Variants in XKR4 observed in about 807,000 individuals in gnomAD.
XKR4 encodes the protein XK related 4.
Under a neutral mutation model 53.9 loss-of-function variants are expected in XKR4, and 12 were observed. The observed-to-expected ratio is 0.22, with a 90% CI of 0.14 to 0.36. The LOEUF is 0.36. Ranked by LOEUF, XKR4 falls within the 10% of genes least tolerant of loss-of-function variation. The pLI, the probability that XKR4 is intolerant of heterozygous loss-of-function variation, is 1.00. For synonymous variants in XKR4, 354 were observed against 362.4 expected (o/e 0.98, Z 0.26); for missense variants, 799 against 859.5 (o/e 0.93, Z 0.88).
intron 1 of XKR4, among the ~76,000 whole-genome samples, chr8:55,223,109 C>A (rs1817903267): frequency 6.6e-6 from 1 of 152,180 alleles, no homozygotes; most frequent in Admixed American, 6.5e-5. Context: ...CAAAGAAAAA[C>A]CCTGATGCTA....
rs1211758739 is a variant in XKR4, at chr8:55,531,743, T to C, written c.*7516T>C. On this transcript the variant is annotated 3_prime_UTR_variant, in exon 3 of 3. Transcript: ENST00000327381. ...ATTAGGGAGACTCCAAAGTGAAGAG[T>C]TTTCCAATAGGTGACTTCTCTGATT... The C allele has an allele frequency of 1.3e-5, 2 of 151,940 alleles. No individual in the cohort carries two copies. Among genetic ancestry groups the C allele is most frequent in the African/African-American group, 4.8e-5 (2 of 41,384 alleles). The allele number at this position is 151,940 out of a possible 1,614,324, so 9.4% of individuals were successfully genotyped here. A position where few individuals can be genotyped will look rare whatever the true frequency, so the allele number is the denominator to read the frequency against.
intron 1 of XKR4, among the ~76,000 whole-genome samples, chr8:55,126,968 C>T (rs1816475408): frequency 6.6e-6 from 1 of 152,142 alleles, no homozygotes; most frequent in African/African-American, 2.4e-5. Context: ...CACAGGTAAA[C>T]AGGATGTGGT....
intron 2 of XKR4, among the ~76,000 whole-genome samples, chr8:55,521,495 T>C (rs1387295168): frequency 5.9e-5 from 9 of 152,236 alleles, no homozygotes. Context: ...TATACTGGTC[T>C]CTGACCTATA....
chr8:55,417,111 G>T (rs1804863057), intron 2 of XKR4, among the ~76,000 whole-genome samples: 1 of 152,170 alleles, frequency 6.6e-6, no homozygotes, highest in African/African-American at 2.4e-5. Flanking sequence ...TTAATGAGCA[G>T]CGAAGGCTGA....
chr8:55,531,975 G>A lies in XKR4; in HGVS notation c.*7748G>A, dbSNP rs1341381485. On this transcript the variant is annotated 3_prime_UTR_variant, in exon 3 of 3. Coordinates refer to ENST00000327381, the MANE Select transcript of XKR4 (RefSeq NM_052898.2). ...CCAGCTTCCTGGGGAAACCCACACT[G>A]GCTTTGGACCCGATTGCATTCTCTC... The A allele has an allele frequency of 6.6e-6, 1 of 152,312 alleles. No individual in the cohort carries two copies. Among genetic ancestry groups the A allele is most frequent in the Non-Finnish European group, 1.5e-5 (1 of 68,086 alleles). The allele number at this position is 152,312 out of a possible 1,614,324, so 9.4% of individuals were successfully genotyped here.
At chr8:55,415,825 T>C (rs1262035618) in intron 2 of XKR4, among the ~76,000 whole-genome samples, 2 of 152,198 alleles carry the variant, frequency 1.3e-5, no homozygotes, top group African/African-American at 4.8e-5. Context: ...CTTCAATTCA[T>C]AGAGTTATAC....
At chr8:55,453,878 G>C in intron 2 of XKR4, 2 of 566,660 alleles carry the variant, frequency 3.5e-6, no homozygotes, top group Non-Finnish European at 6.8e-6. Context: ...GGGGCAGTAC[G>C]GGACCCCACA....
chr8:55,193,740 G>A (rs1165767351), intron 1 of XKR4, among the ~76,000 whole-genome samples: 2 of 152,224 alleles, frequency 1.3e-5, no homozygotes, highest in Non-Finnish European at 2.9e-5. Context: ...AGGACCCCGT[G>A]GGGTGAAGCC....
At chr8:55,103,520 G>A (rs1168335431) in intron 1 of XKR4, among the ~76,000 whole-genome samples, 3 of 151,966 alleles carry the variant, frequency 2.0e-5, no homozygotes, top group African/African-American at 7.3e-5. Flanking sequence ...AAGTGGTTTC[G>A]ATCACCTCAT....
chr8:55,157,589 G>T (rs529996403), intron 1 of XKR4, among the ~76,000 whole-genome samples: 10 of 152,188 alleles, frequency 6.6e-5, no homozygotes, highest in African/African-American at 2.4e-4. Flanking sequence ...TGTGTGTCAT[G>T]GGGGTTGGGT....
chr8:55,445,204 C>A (rs1358822385), intron 2 of XKR4, among the ~76,000 whole-genome samples: 2 of 151,984 alleles, frequency 1.3e-5, no homozygotes, highest in Non-Finnish European at 2.9e-5. Flanking sequence ...ACTACAGGTG[C>A]CCACCACCAC....
rs190272984 is a variant in XKR4, at chr8:55,462,333, G to T, written c.1007-60948G>T. Among the ~76,000 whole-genome samples, 55 of 152,290 alleles carry T rather than the reference G, an allele frequency of 3.6e-4. 3 individuals are homozygous for T. The East Asian group carries it at 6.9e-3, about 19-fold the overall frequency. ...GGGGCCAATATTCAACATTCTTAAA[G>T]AAAAGAATTTTCAACCCAGAATTTC... On this transcript the variant is annotated intron_variant, in intron 2 of 2. Transcript: ENST00000327381.
chr8:55,397,506 T>A (rs2129389437), intron 2 of XKR4, among the ~76,000 whole-genome samples: 1 of 152,082 alleles, frequency 6.6e-6, no homozygotes, highest in South Asian at 2.1e-4. Flanking sequence ...AGTGGCACAG[T>A]CAGGAACAAC....
At chr8:55,442,124 G>A (rs952627897) in intron 2 of XKR4, among the ~76,000 whole-genome samples, 8 of 151,794 alleles carry the variant, frequency 5.3e-5, no homozygotes, top group African/African-American at 1.9e-4. Context: ...TAAGAGGAAA[G>A]CACAAATTTT....
chr8:55,323,179 T>C (rs988592120), intron 1 of XKR4, among the ~76,000 whole-genome samples: 1 of 152,248 alleles, frequency 6.6e-6, no homozygotes, highest in Admixed American at 6.5e-5. Flanking sequence ...TTTTAACATA[T>C]ATGTGGTAAA....
At chr8:55,126,755 T>G (rs1377672794) in intron 1 of XKR4, among the ~76,000 whole-genome samples, 1 of 152,232 alleles carries the variant, frequency 6.6e-6, no homozygotes, top group East Asian at 1.9e-4. Flanking sequence ...TCCCATAAAA[T>G]GCTATTTTTA....
intron 2 of XKR4, among the ~76,000 whole-genome samples, chr8:55,495,509 C>A (rs16921879): frequency 6.6e-6 from 1 of 152,188 alleles, no homozygotes; most frequent in Non-Finnish European, 1.5e-5. Context: ...CCCATTCCTC[C>A]GTGCCCTACC....
At chr8:55,239,954 C>T (rs1818185928) in intron 1 of XKR4, among the ~76,000 whole-genome samples, 1 of 152,168 alleles carries the variant, frequency 6.6e-6, no homozygotes, top group Non-Finnish European at 1.5e-5. Flanking sequence ...CACCCTCTGC[C>T]ACCACCAGGC....
At chr8:55,494,043 C>T (rs1039589652) in intron 2 of XKR4, among the ~76,000 whole-genome samples, 1 of 152,234 alleles carries the variant, frequency 6.6e-6, no homozygotes, top group Non-Finnish European at 1.5e-5. Flanking sequence ...TGTCAGGCTG[C>T]GTTTGGCTCA....
Sources: gnomAD v4.1 joint callset for allele counts (sites outside exome capture counted in the v4.1 genomes callset) on GRCh38, gnomAD v4.1.1 for gene constraint, MANE v1.5 for transcripts, NCBI Gene and HGNC (gene_info 2026-07-23, HGNC 2026-07-21) for gene names.